The following RYR2 variants were observed in gnomAD, a reference collection of about 807,000 sequenced individuals.
RYR2 encodes cardiac muscle ryanodine receptor-calcium release channel.
Under a neutral mutation model 601.1 loss-of-function variants are expected in RYR2, and 227 were observed. The ratio of observed to expected loss-of-function variants is 0.38; its 90% CI spans 0.34 to 0.42. The LOEUF (loss-of-function observed/expected upper bound fraction) is 0.42, where lower values mean the gene tolerates loss of function less well. Among genes scored for constraint, RYR2 ranks in the 10% least tolerant of loss-of-function variants. RYR2 has a pLI of 1.00. For missense variants in RYR2, 4,646 were observed against 6,156.5 expected (o/e 0.75, Z 8.21); for synonymous variants, 2,223 against 2,175.1 (o/e 1.02, Z -0.61).
chr1:237,658,162 T>A lies in RYR2; in HGVS notation c.8208+140T>A. The A allele has an allele frequency of 6.7e-6, 3 of 449,752 alleles. No homozygotes were observed. In the South Asian group the frequency reaches 1.5e-4, roughly 22 times the overall value. The allele number at this position is 449,752 out of a possible 1,614,324, so 27.9% of individuals were successfully genotyped here. ...GAAAAAATACTTAATTACAATTAGC[T>A]TATATAATAATATAATATTTAGCTA... On this transcript the variant is annotated intron_variant, in intron 54 of 104. Coordinates refer to ENST00000366574, the MANE Select transcript of RYR2 (RefSeq NM_001035.3).
At chr1:237,473,163 C>T (rs1007279198) in intron 17 of RYR2, among the ~76,000 whole-genome samples, 1 of 152,022 alleles carries the variant, frequency 6.6e-6, no homozygotes, top group Non-Finnish European at 1.5e-5. Flanking sequence ...GTGGCTCACA[C>T]CTGTAATCCC....
chr1:237,072,931 G>C (rs1231297450), intron 1 of RYR2, among the ~76,000 whole-genome samples: 1 of 132,730 alleles, frequency 7.5e-6, no homozygotes, highest in East Asian at 2.2e-4. Flanking sequence ...ACGGGCGACA[G>C]AGCGAGACTC....
At chr1:237,135,984 C>G (rs1274256002) in intron 1 of RYR2, among the ~76,000 whole-genome samples, 3 of 152,144 alleles carry the variant, frequency 2.0e-5, no homozygotes, top group African/African-American at 7.2e-5. Context: ...CCACAGAGGC[C>G]CCACTCATTT....
chr1:237,555,659 C>T (rs1254808919), intron 27 of RYR2, among the ~76,000 whole-genome samples: 1 of 152,116 alleles, frequency 6.6e-6, no homozygotes, highest in Non-Finnish European at 1.5e-5. Context: ...GGAACTCTGA[C>T]AACATTGCTT....
chr1:237,693,667 CAGT>C (rs1198995168), intron 63 of RYR2, among the ~76,000 whole-genome samples: 3 of 152,194 alleles, frequency 2.0e-5, no homozygotes, highest in Middle Eastern at 3.4e-3. Context: ...TAACATGAAA[CAGT>C]AGCTGTTGTT....
chr1:237,487,385 A>G (rs767949839), intron 17 of RYR2, among the ~76,000 whole-genome samples: 10 of 151,952 alleles, frequency 6.6e-5, no homozygotes, highest in South Asian at 2.1e-4. Flanking sequence ...TTATTATACA[A>G]AAGCACATTT....
chr1:237,364,288 G>T, intron 4 of RYR2, 70 bp from the exon 5 acceptor site: 3 of 1,396,808 alleles, frequency 2.1e-6, no homozygotes, highest in Admixed American at 2.1e-5. Flanking sequence ...ATAAATAAGA[G>T]ATATTTTTAA....
chr1:237,779,742 G>A (rs896087074), intron 88 of RYR2, among the ~76,000 whole-genome samples: 2 of 152,204 alleles, frequency 1.3e-5, no homozygotes, highest in South Asian at 2.1e-4. Flanking sequence ...CTAGTTAAGC[G>A]AATAAGGACA....
Position 237,454,489 on chromosome 1 carries a change from A to G in RYR2, c.1391A>G (p.His464Arg). The change falls in exon 15 of 105, where the codon CAC (histidine) becomes CGC (arginine). Residue 464 changes from histidine (H) to arginine (R), a missense_variant. Around this residue, in one of 17 missense-constraint regions of RYR2, gnomAD observed 1,807 missense variants for 2,088.1 expected, o/e 0.87. Transcript: ENST00000366574. Reference sequence around the variant, plus strand: ...CTGCAGGATCTCATTGGCTACTTCCACCCCCCAGATGAGCATTTAGAGCAT... The same window carrying G: ...CTGCAGGATCTCATTGGCTACTTCCGCCCCCCAGATGAGCATTTAGAGCAT... ...LSLQDLIGYF[H>R]PPDEHLEHED... is the part of the protein sequence containing the mutation. 6.2e-7 allele frequency: 1 copy of G among 1,613,236 alleles called. No individual in the cohort carries two copies. Among genetic ancestry groups the G allele is most frequent in the Middle Eastern group, 1.7e-4 (1 of 6,060 alleles).
chr1:237,158,353 G>T (rs962902711), intron 1 of RYR2, among the ~76,000 whole-genome samples: 2 of 152,190 alleles, frequency 1.3e-5, no homozygotes, highest in African/African-American at 4.8e-5. Context: ...GGACATTGAA[G>T]AGAGAGAACA....
At chr1:237,601,767 A>C (rs1055588691) in intron 34 of RYR2, among the ~76,000 whole-genome samples, 17 of 152,168 alleles carry the variant, frequency 1.1e-4, no homozygotes, top group Admixed American at 1.0e-3. Flanking sequence ...GGAAAAAGTT[A>C]GATTAATTAT....
At position 237,595,667 on chromosome 1, in the gene RYR2, C is replaced by A; in HGVS notation, c.4596+10C>A. 6.2e-7 allele frequency: 1 copy of A among 1,603,306 alleles called. No homozygotes were observed. Among genetic ancestry groups the A allele is most frequent in the South Asian group, 1.1e-5 (1 of 88,556 alleles). ...GAGCACATACTATCAGGTACGCGGT[C>A]AGTGATGATATCAGTCTTCTAGGGA... On this transcript the variant is annotated intron_variant, in intron 34 of 104. Coordinates refer to ENST00000366574, the MANE Select transcript of RYR2 (RefSeq NM_001035.3).
chr1:237,576,096 T>C (rs1031954787), intron 29 of RYR2, among the ~76,000 whole-genome samples: 1 of 152,194 alleles, frequency 6.6e-6, no homozygotes, highest in Non-Finnish European at 1.5e-5. Flanking sequence ...TGGTTGACTT[T>C]ATTAAAAGAC....
intron 10 of RYR2, among the ~76,000 whole-genome samples, chr1:237,405,897 A>G (rs1703809404): frequency 1.3e-5 from 2 of 151,620 alleles, no homozygotes; most frequent in African/African-American, 4.8e-5. Context: ...AAGTAGGTGA[A>G]AAAACTTTCT....
chr1:237,463,381 T>A (rs935073521), intron 16 of RYR2, among the ~76,000 whole-genome samples: 2 of 152,186 alleles, frequency 1.3e-5, no homozygotes, highest in African/African-American at 2.4e-5. Flanking sequence ...TTAATCTAAA[T>A]TTTTCTGTAA....
intron 10 of RYR2, among the ~76,000 whole-genome samples, chr1:237,391,142 T>C (rs1702344443): frequency 6.6e-6 from 1 of 152,126 alleles, no homozygotes; most frequent in Non-Finnish European, 1.5e-5. Flanking sequence ...GTTAATACCA[T>C]TGTTTAGAAA....
intron 27 of RYR2, among the ~76,000 whole-genome samples, chr1:237,551,087 C>T (rs192693300): frequency 2.2e-3 from 335 of 152,254 alleles, no homozygotes; most frequent in Non-Finnish European, 3.1e-3. Flanking sequence ...TTTACACACA[C>T]GTACAGGCAA....
intron 1 of RYR2, among the ~76,000 whole-genome samples, chr1:237,202,954 A>G (rs1011997793): frequency 6.6e-6 from 1 of 152,208 alleles, no homozygotes; most frequent in African/African-American, 2.4e-5. Context: ...CTAAAGTAAC[A>G]TAATAACATT....
chr1:237,208,519 T>G (rs1013287223), intron 1 of RYR2, among the ~76,000 whole-genome samples: 5 of 152,224 alleles, frequency 3.3e-5, no homozygotes, highest in Non-Finnish European at 5.9e-5. Context: ...TTTGGTTGGA[T>G]GGACCTGATT....
Sources: allele counts gnomAD v4.1 joint callset (sites outside exome capture counted in the v4.1 genomes callset), GRCh38; gene constraint gnomAD v4.1.1; regional missense constraint gnomAD v4.1.1; transcripts MANE v1.5; gene names NCBI Gene and HGNC (gene_info 2026-07-23, HGNC 2026-07-21).